THSD4: variants seen among roughly 807,000 people sequenced by gnomAD.
The protein encoded by THSD4 is thrombospondin type 1 domain containing 4.
Under a neutral mutation model 119.0 loss-of-function variants are expected in THSD4, and 69 were observed. That is an observed-to-expected ratio of 0.58 (90% CI 0.48 to 0.71). The LOEUF (loss-of-function observed/expected upper bound fraction) is 0.71, where lower values mean the gene tolerates loss of function less well. Among genes scored for constraint, THSD4 ranks in the 30% least tolerant of loss-of-function variants. THSD4 has a pLI of 0.00. For missense variants in THSD4, 1,393 were observed against 1,391.1 expected (o/e 1.00, Z -0.02); for synonymous variants, 524 against 540.4 (o/e 0.97, Z 0.42).
intron 14 of THSD4, among the ~76,000 whole-genome samples, chr15:71,755,143 T>A (rs371843360): frequency 6.6e-5 from 10 of 152,346 alleles, no homozygotes; most frequent in African/African-American, 2.2e-4. Context: ...TCTTCCTGCA[T>A]CTGCTATTTC....
At chr15:71,759,241 G>GT (rs1477452518) in intron 15 of THSD4, among the ~76,000 whole-genome samples, 1 of 152,150 alleles carries the variant, frequency 6.6e-6, no homozygotes. Context: ...TCCCTTTAAT[G>GT]TTTTTTAAAA....
chr15:71,644,599 C>T (rs939301860), intron 7 of THSD4, among the ~76,000 whole-genome samples: 3 of 152,266 alleles, frequency 2.0e-5, no homozygotes, highest in Admixed American at 2.0e-4. Context: ...GTTCCTCTGA[C>T]ATTTTAGCTT....
chr15:71,249,517 TAC>T (rs569692282), intron 5 of THSD4, among the ~76,000 whole-genome samples: 42 of 148,116 alleles, frequency 2.8e-4, no homozygotes, highest in East Asian at 2.4e-3. Flanking sequence ...CATATATATA[TAC>T]ACACACACAT....
chr15:71,678,358 C>G (rs1164269006), intron 8 of THSD4, among the ~76,000 whole-genome samples: 1 of 152,310 alleles, frequency 6.6e-6, no homozygotes, highest in East Asian at 1.9e-4. Context: ...TAACCAACAG[C>G]TGGGGATGAC....
chr15:71,532,212 C>T (rs191185865), intron 7 of THSD4, among the ~76,000 whole-genome samples: 33 of 150,286 alleles, frequency 2.2e-4, no homozygotes, highest in African/African-American at 7.6e-4. Flanking sequence ...GGGTAACAGC[C>T]GTCAGCAATG....
chr15:71,587,788 A>T lies in THSD4; in HGVS notation c.1153-72742A>T, dbSNP rs1415043943. Among the ~76,000 whole-genome samples, 6 of 1,714 alleles carry T rather than the reference A, an allele frequency of 3.5e-3. No homozygotes were observed. The Non-Finnish European group carries it at 0.042, about 12-fold the overall frequency. 1.1% of individuals were successfully genotyped at this position (1,714 alleles called of 152,430 possible). A position where few individuals can be genotyped will look rare whatever the true frequency, so the allele number is the denominator to read the frequency against. On this transcript the variant is annotated intron_variant, in intron 7 of 17. Transcript: ENST00000261862. Reference sequence around the variant, plus strand: ...TAGAGTATAATAAAAAAAAAAAATTAAAAAAAAAAAAGAAAAAAAAAAAAG... The same window carrying T: ...TAGAGTATAATAAAAAAAAAAAATTTAAAAAAAAAAAGAAAAAAAAAAAAG...
At chr15:71,500,414 C>T (rs1200118168) in intron 7 of THSD4, among the ~76,000 whole-genome samples, 7 of 152,164 alleles carry the variant, frequency 4.6e-5, no homozygotes, top group Admixed American at 2.6e-4. Context: ...TATTTTCCCC[C>T]ATTCCATAGG....
chr15:71,669,952 A>AG (rs2051490048), intron 8 of THSD4, among the ~76,000 whole-genome samples: 2 of 152,216 alleles, frequency 1.3e-5, no homozygotes, highest in South Asian at 4.1e-4. Context: ...TCAAGACTCC[A>AG]ATATGTATCA....
chr15:71,447,118 G>GTTTTTTTT (rs1555414736), intron 7 of THSD4, among the ~76,000 whole-genome samples: 10 of 76,072 alleles, frequency 1.3e-4, no homozygotes, highest in South Asian at 4.4e-4. Context: ...CATTTTTTTT[G>GTTTTTTTT]TTTTTTTTTT....
chr15:71,651,386 A>C (rs2051086044), intron 7 of THSD4, among the ~76,000 whole-genome samples: 1 of 152,186 alleles, frequency 6.6e-6, no homozygotes, highest in South Asian at 2.1e-4. Flanking sequence ...CGTGTTTGCC[A>C]GACATCTTCT....
At chr15:71,351,076 C>G (rs1016882566) in intron 6 of THSD4, among the ~76,000 whole-genome samples, 1 of 152,098 alleles carries the variant, frequency 6.6e-6, no homozygotes, top group Non-Finnish European at 1.5e-5. Flanking sequence ...CAGCTGTGGT[C>G]CTGGGGTATC....
chr15:71,316,679 G>T (rs2045190831), intron 6 of THSD4, among the ~76,000 whole-genome samples: 1 of 152,176 alleles, frequency 6.6e-6, no homozygotes. Context: ...AGCTTCCTCA[G>T]TTCCAGCAGC....
intron 6 of THSD4, among the ~76,000 whole-genome samples, chr15:71,357,829 A>T (rs1430491602): frequency 6.6e-6 from 1 of 152,162 alleles, no homozygotes; most frequent in Non-Finnish European, 1.5e-5. Context: ...TATTTTGCAA[A>T]ATAATCTGTT....
At chr15:71,180,768 G>T (rs936509143) in intron 3 of THSD4, among the ~76,000 whole-genome samples, 1 of 152,144 alleles carries the variant, frequency 6.6e-6, no homozygotes, top group African/African-American at 2.4e-5. Flanking sequence ...CCAACAGGGG[G>T]TGAGGGTGGC....
chr15:71,459,233 A>T (rs2047384737), intron 7 of THSD4, among the ~76,000 whole-genome samples: 1 of 138,626 alleles, frequency 7.2e-6, no homozygotes, highest in South Asian at 2.2e-4. Flanking sequence ...ATCTTGGCTC[A>T]CTGCAACCTC....
At chr15:71,130,830 C>T (rs1242694926) in intron 1 of THSD4, among the ~76,000 whole-genome samples, 1 of 152,150 alleles carries the variant, frequency 6.6e-6, no homozygotes, top group Non-Finnish European at 1.5e-5. Context: ...CTGCAAGCTC[C>T]GCCTCCCGGG....
At chr15:71,465,906 C>G (rs2047492517) in intron 7 of THSD4, among the ~76,000 whole-genome samples, 1 of 152,128 alleles carries the variant, frequency 6.6e-6, no homozygotes, top group Non-Finnish European at 1.5e-5. Context: ...TTTCCTGTGG[C>G]AGGTGAGTGA....
At chr15:71,541,846 G>A (rs1216901347) in intron 7 of THSD4, among the ~76,000 whole-genome samples, 3 of 152,192 alleles carry the variant, frequency 2.0e-5, no homozygotes, top group African/African-American at 7.2e-5. Flanking sequence ...AGAAGGTATG[G>A]AGCACAAGGA....
chr15:71,377,710 T>C (rs1447827210), intron 6 of THSD4, among the ~76,000 whole-genome samples: 1 of 152,072 alleles, frequency 6.6e-6, no homozygotes, highest in Non-Finnish European at 1.5e-5. Flanking sequence ...GGACCTAAGC[T>C]AACCGTGTAT....
Sources: allele counts gnomAD v4.1 joint callset (sites outside exome capture counted in the v4.1 genomes callset), GRCh38; gene constraint gnomAD v4.1.1; transcripts MANE v1.5; gene names NCBI Gene and HGNC (gene_info 2026-07-23, HGNC 2026-07-21).